GTF2A2: variants seen among roughly 807,000 people sequenced by gnomAD.
GTF2A2 encodes transcription initiation factor IIA subunit 2.
A neutral mutation model predicts 14.3 loss-of-function variants in GTF2A2; 9 were observed. The observed-to-expected ratio is 0.63, with a 90% CI of 0.38 to 1.10. GTF2A2 has a LOEUF of 1.10. Among genes scored for constraint, GTF2A2 ranks in the 50% least tolerant of loss-of-function variants. GTF2A2 has a pLI of 0.01. For synonymous variants in GTF2A2, 56 were observed against 46.0 expected (o/e 1.22, Z -0.88); for missense variants, 90 against 124.6 (o/e 0.72, Z 1.32).
At chr15:59,654,229 G>A (rs1891878141) in intron 1 of GTF2A2, among the ~76,000 whole-genome samples, 1 of 152,202 alleles carries the variant, frequency 6.6e-6, no homozygotes, top group Admixed American at 6.5e-5. Flanking sequence ...GGGCCCCCCA[G>A]TGCCTACTTC....
chr15:59,643,040 A>G (rs983948792), intron 3 of GTF2A2, among the ~76,000 whole-genome samples: 1 of 144,560 alleles, frequency 6.9e-6, no homozygotes, highest in Admixed American at 7.0e-5. Context: ...TGCTGGGATT[A>G]CCAGTGTGAA....
chr15:59,652,528 C>T (rs1891827018), intron 1 of GTF2A2, among the ~76,000 whole-genome samples: 1 of 152,044 alleles, frequency 6.6e-6, no homozygotes, highest in South Asian at 2.1e-4. Flanking sequence ...TTGACATGGG[C>T]ATTTATACTC....
At chr15:59,643,710 G>A (rs1891510131) in intron 3 of GTF2A2, among the ~76,000 whole-genome samples, 1 of 147,670 alleles carries the variant, frequency 6.8e-6, no homozygotes, top group Non-Finnish European at 1.5e-5. Flanking sequence ...CTATTCTCCT[G>A]TCTCAGCCTC....
intron 3 of GTF2A2, among the ~76,000 whole-genome samples, chr15:59,648,153 A>G (rs1012618171): frequency 3.3e-5 from 5 of 152,096 alleles, no homozygotes; most frequent in African/African-American, 1.2e-4. Context: ...TCACGCCTGT[A>G]ATTCCAGCAC....
chr15:59,645,078 T>C (rs1891557837), intron 3 of GTF2A2, among the ~76,000 whole-genome samples: 1 of 152,078 alleles, frequency 6.6e-6, no homozygotes, highest in African/African-American at 2.4e-5. Flanking sequence ...GTAGGACCGG[T>C]AGGAATGGAC....
rs1891242227 is a variant in GTF2A2 at position 59,638,163 on chromosome 15, TA to T, written c.*968del. On this transcript the variant is annotated 3_prime_UTR_variant, in exon 5 of 5. Transcript: ENST00000396060. ...AAGTAATCCTCCAGTCTCAGCCTCC[TA>T]AAGTACTGGGATTACTTACAGGTGT... 6.6e-6 allele frequency: 1 copy of T among 152,034 alleles called. No individual in the cohort carries two copies. The highest frequency in any genetic ancestry group is 6.6e-5 in the Admixed American group (1 of 15,264). 9.4% of individuals were successfully genotyped at this position (152,034 alleles called of 1,614,324 possible).
At chr15:59,643,327 G>A (rs925616923) in intron 3 of GTF2A2, among the ~76,000 whole-genome samples, 13 of 150,382 alleles carry the variant, frequency 8.6e-5, no homozygotes, top group African/African-American at 2.7e-4. Context: ...TGATCTGCCC[G>A]CCGTGGCCTC....
At chr15:59,639,464 ATTTTTT>A (rs10643204) in intron 4 of GTF2A2, among the ~76,000 whole-genome samples, 1 of 142,580 alleles carries the variant, frequency 7.0e-6, no homozygotes, top group Admixed American at 7.1e-5. Context: ...ACTGTCCCAA[ATTTTTT>A]TTTTTTTTTT....
chr15:59,642,569 T>C (rs150624294), intron 3 of GTF2A2, among the ~76,000 whole-genome samples: 29 of 152,356 alleles, frequency 1.9e-4, no homozygotes, highest in Non-Finnish European at 3.5e-4. Context: ...GGCTAAGTTA[T>C]GAAAGTTCAT....
At chr15:59,654,313 C>T (rs1891880658) in intron 1 of GTF2A2, among the ~76,000 whole-genome samples, 3 of 152,144 alleles carry the variant, frequency 2.0e-5, no homozygotes, top group African/African-American at 7.2e-5. Context: ...ACAGGGGAAG[C>T]ATGATCCTGC....
intron 3 of GTF2A2, among the ~76,000 whole-genome samples, chr15:59,646,033 TAAA>T (rs34672716): frequency 2.9e-5 from 4 of 137,998 alleles, no homozygotes; most frequent in Non-Finnish European, 6.2e-5. Context: ...GGCTCCGCCT[TAAA>T]AAAAAAAAAA....
intron 3 of GTF2A2, 57 bp downstream of exon 3, chr15:59,650,612 A>C (rs1314183647): frequency 1.2e-5 from 12 of 978,334 alleles, no homozygotes; most frequent in Non-Finnish European, 1.8e-5. Flanking sequence ...CCTAAAAAAA[A>C]ATCAGTGTTT....
chr15:59,649,122 G>A (rs1566931994), intron 3 of GTF2A2, among the ~76,000 whole-genome samples: 1 of 152,096 alleles, frequency 6.6e-6, no homozygotes, highest in Non-Finnish European at 1.5e-5. Flanking sequence ...ATTATCTTTT[G>A]TCTTGGCCAT....
chr15:59,643,314 A>T (rs1277825251), intron 3 of GTF2A2, among the ~76,000 whole-genome samples: 1 of 151,982 alleles, frequency 6.6e-6, no homozygotes, highest in Non-Finnish European at 1.5e-5. Context: ...TCCTGACCTC[A>T]GATGATCTGC....
chr15:59,656,733 C>T lies in GTF2A2; in HGVS notation c.-50+673G>A, dbSNP rs1490120410. 2.0e-5 allele frequency: 3 copies of T among 152,148 alleles called. No homozygotes were observed. The East Asian group carries it at 5.8e-4, about 29-fold the overall frequency. The allele number at this position is 152,148 out of a possible 1,614,324, so 9.4% of individuals were successfully genotyped here. A position where few individuals can be genotyped will look rare whatever the true frequency, so the allele number is the denominator to read the frequency against. ...GGAATACAGAATCGTGCATCGTGTCCCATTTGACAAATTTTTGAGTTTATC... is the reference window on the plus strand; with the variant it reads ...GGAATACAGAATCGTGCATCGTGTCTCATTTGACAAATTTTTGAGTTTATC... On this transcript the variant is annotated intron_variant, in intron 1 of 4. Transcript: ENST00000396060.
chr15:59,655,022 G>A (rs767399535), intron 1 of GTF2A2, among the ~76,000 whole-genome samples: 2 of 152,122 alleles, frequency 1.3e-5, no homozygotes, highest in Non-Finnish European at 2.9e-5. Context: ...TGTCACTATA[G>A]TTGAACTCTA....
At chr15:59,646,596 G>C (rs917801913) in intron 3 of GTF2A2, among the ~76,000 whole-genome samples, 2 of 152,178 alleles carry the variant, frequency 1.3e-5, no homozygotes, top group African/African-American at 4.8e-5. Context: ...GTAGATTGGA[G>C]TGAAAAATCT....
chr15:59,652,186 T>G lies in GTF2A2; in HGVS notation c.72+20A>C. ...AACCCATCAAGATAAAAATGTTTGA[T>G]TTTTAATTCAGTCTCCCACCTGTAT... On this transcript the variant is annotated intron_variant, in intron 2 of 4. Transcript: ENST00000396060. The G allele has an allele frequency of 7.1e-7, 1 of 1,410,570 alleles. No individual in the cohort carries two copies. Among genetic ancestry groups the G allele is most frequent in the Non-Finnish European group, 9.9e-7 (1 of 1,006,442 alleles). 87.4% of individuals were successfully genotyped at this position (1,410,570 alleles called of 1,614,324 possible).
chr15:59,654,621 C>T (rs979781314), intron 1 of GTF2A2, among the ~76,000 whole-genome samples: 3 of 152,120 alleles, frequency 2.0e-5, no homozygotes, highest in African/African-American at 7.2e-5. Flanking sequence ...ACTAGAACAA[C>T]GTATGTAGTA....
Sources: gnomAD v4.1 joint callset for allele counts (sites outside exome capture counted in the v4.1 genomes callset) on GRCh38, gnomAD v4.1.1 for gene constraint, MANE v1.5 for transcripts, NCBI Gene and HGNC (gene_info 2026-07-23, HGNC 2026-07-21) for gene names.